Variants in CNBD1 observed in about 807,000 individuals in gnomAD.
CNBD1 encodes the protein cyclic nucleotide-binding domain-containing protein 1.
In CNBD1, 71 loss-of-function variants were observed where a neutral mutation model predicts 54.4. The observed-to-expected ratio is 1.30, with a 90% CI of 1.08 to 1.59. CNBD1 has a LOEUF of 1.59. Ranked by LOEUF, CNBD1 falls within the 40% of genes most tolerant of loss-of-function variation. The probability of loss-of-function intolerance (pLI) is 0.00; values close to 1 mark genes in which losing one functional copy is unlikely to be tolerated. For synonymous variants in CNBD1, 182 were observed against 170.7 expected (o/e 1.07, Z -0.51); for missense variants, 659 against 518.0 (o/e 1.27, Z -2.64).
At chr8:87,281,056 A>G (rs929597079) in intron 6 of CNBD1, among the ~76,000 whole-genome samples, 1 of 151,634 alleles carries the variant, frequency 6.6e-6, no homozygotes, top group Non-Finnish European at 1.5e-5. Context: ...TTTATTAAAA[A>G]TTCAGAAAAT....
chr8:87,271,996 T>A (rs1157597785), intron 6 of CNBD1, among the ~76,000 whole-genome samples: 1 of 151,866 alleles, frequency 6.6e-6, no homozygotes, highest in African/African-American at 2.4e-5. Context: ...CGTAAAGTAA[T>A]CCAAGCACAG....
chr8:87,098,253 T>A (rs2130689258), intron 4 of CNBD1, among the ~76,000 whole-genome samples: 1 of 152,338 alleles, frequency 6.6e-6, no homozygotes, highest in East Asian at 1.9e-4. Flanking sequence ...AAGTTTAAGA[T>A]AAAGTTTTAG....
chr8:86,893,062 A>T (rs954106789), intron 2 of CNBD1, among the ~76,000 whole-genome samples: 1 of 152,146 alleles, frequency 6.6e-6, no homozygotes, highest in Non-Finnish European at 1.5e-5. Context: ...GAATGAAGCC[A>T]TTTTTTATTT....
chr8:86,920,972 G>A (rs1314985533), intron 3 of CNBD1, among the ~76,000 whole-genome samples: 1 of 151,994 alleles, frequency 6.6e-6, no homozygotes, highest in African/African-American at 2.4e-5. Context: ...ATGTGTGAGA[G>A]CAGAAAATGT....
chr8:86,979,016 T>G (rs1486227116), intron 4 of CNBD1, among the ~76,000 whole-genome samples: 1 of 152,128 alleles, frequency 6.6e-6, no homozygotes, highest in Non-Finnish European at 1.5e-5. Flanking sequence ...ATGTTAAGAT[T>G]ATGTCGTAAT....
chr8:87,077,464 G>A (rs1251933683), intron 4 of CNBD1, among the ~76,000 whole-genome samples: 2 of 147,702 alleles, frequency 1.4e-5, no homozygotes, highest in African/African-American at 5.1e-5. Flanking sequence ...ACAATGTGCA[G>A]GTTTGTTACA....
intron 6 of CNBD1, among the ~76,000 whole-genome samples, chr8:87,255,987 A>ATG (rs1808001522): frequency 9.3e-5 from 1 of 10,784 alleles, no homozygotes; most frequent in Non-Finnish European, 1.6e-4. Flanking sequence ...ATATATATAT[A>ATG]TATATATATA....
intron 10 of CNBD1, among the ~76,000 whole-genome samples, chr8:87,377,808 G>A (rs1195631415): frequency 1.3e-5 from 2 of 149,008 alleles, no homozygotes; most frequent in East Asian, 2.0e-4. Flanking sequence ...ATCCTCTCCA[G>A]CACCTGTTGT....
rs1812960425 is a variant in CNBD1 at position 87,166,257 on chromosome 8, T to C, written c.432-39736T>C. 6.6e-6 allele frequency among the ~76,000 whole-genome samples: 1 copy of C among 152,078 alleles called. No homozygotes were observed. The highest frequency in any genetic ancestry group is 2.1e-4 in the South Asian group (1 of 4,834). On this transcript the variant is annotated intron_variant, in intron 4 of 10. Transcript: ENST00000518476. The surrounding 1 kb of genome is among the most constrained non-coding windows in gnomAD (Gnocchi z 4.3). Reference sequence around the variant, plus strand: ...ACATTCTGTCCCTTTTACACCACTGTATCAGTAAGTCTTTTCAGGTCCATC... The same window carrying C: ...ACATTCTGTCCCTTTTACACCACTGCATCAGTAAGTCTTTTCAGGTCCATC...
chr8:87,074,707 G>A (rs1321483037), intron 4 of CNBD1, among the ~76,000 whole-genome samples: 1 of 152,098 alleles, frequency 6.6e-6, no homozygotes, highest in Admixed American at 6.6e-5. Flanking sequence ...CCACTCCTGG[G>A]TGGACTATCA....
chr8:86,920,010 GAAAA>G (rs144571030), intron 3 of CNBD1, among the ~76,000 whole-genome samples: 1 of 147,090 alleles, frequency 6.8e-6, no homozygotes, highest in Non-Finnish European at 1.5e-5. Context: ...TTCAGAATGT[GAAAA>G]AAAAAAGTCA....
chr8:87,296,674 G>A (rs961987679), intron 8 of CNBD1, among the ~76,000 whole-genome samples: 8 of 151,256 alleles, frequency 5.3e-5, no homozygotes, highest in Admixed American at 1.3e-4. Flanking sequence ...TAATGCTGTC[G>A]TGACCAATGA....
chr8:86,923,444 G>A (rs1410886531), intron 3 of CNBD1, among the ~76,000 whole-genome samples: 1 of 152,094 alleles, frequency 6.6e-6, no homozygotes, highest in South Asian at 2.1e-4. Flanking sequence ...GGGGAGATAC[G>A]GTTTTTCCTT....
At chr8:87,316,550 T>C (rs977602198) in intron 8 of CNBD1, among the ~76,000 whole-genome samples, 1 of 151,994 alleles carries the variant, frequency 6.6e-6, no homozygotes, top group African/African-American at 2.4e-5. Context: ...GTCTAAAAGT[T>C]TATACTACCA....
chr8:87,367,044 A>T (rs1002060099), intron 10 of CNBD1, among the ~76,000 whole-genome samples: 1 of 151,964 alleles, frequency 6.6e-6, no homozygotes, highest in Admixed American at 6.6e-5. Context: ...TCCTCTGCTG[A>T]GGGTACTTTA....
At chr8:87,236,824 G>A (rs577560304) in intron 5 of CNBD1, 95 bp from the exon 6 acceptor site, 35 of 649,446 alleles carry the variant, frequency 5.4e-5, no homozygotes, top group South Asian at 2.7e-4. Context: ...AAAGAAATAC[G>A]TTGAAAGTAC....
At chr8:87,149,951 G>A (rs531679342) in intron 4 of CNBD1, among the ~76,000 whole-genome samples, 81 of 152,102 alleles carry the variant, frequency 5.3e-4, no homozygotes, top group African/African-American at 1.8e-3. Context: ...GGAGGAGGGC[G>A]GATCATGAGG....
chr8:87,014,570 T>C (rs1261892279), intron 4 of CNBD1, among the ~76,000 whole-genome samples: 1 of 152,082 alleles, frequency 6.6e-6, no homozygotes, highest in Non-Finnish European at 1.5e-5. Context: ...CACAGTTTTT[T>C]GTAAATAATC....
Position 87,305,612 on chromosome 8 carries a change from G to A in CNBD1, c.1042+18941G>A, listed in dbSNP as rs1326425398. 2.0e-5 allele frequency among the ~76,000 whole-genome samples: 3 copies of A among 152,062 alleles called. No homozygotes were observed. The East Asian group carries it at 5.8e-4, about 29-fold the overall frequency. On this transcript the variant is annotated intron_variant, in intron 8 of 10. Transcript: ENST00000518476. ...ACAGAAATAAACCCAAGTACTTACA[G>A]CCAACTGAACTTCAACAAAGCAAAC...
Sources: allele counts gnomAD v4.1 joint callset (sites outside exome capture counted in the v4.1 genomes callset), GRCh38; gene constraint gnomAD v4.1.1; non-coding constraint Gnocchi (gnomAD v3.1); transcripts MANE v1.5; gene names NCBI Gene and HGNC (gene_info 2026-07-23, HGNC 2026-07-21).